Variants in ACBD6 observed in about 807,000 individuals in gnomAD.
The protein encoded by ACBD6 is acyl-CoA-binding domain-containing protein 6.
ACBD6 carries 28 observed loss-of-function variants against 37.2 expected under a neutral mutation model. The ratio of observed to expected loss-of-function variants is 0.75; its 90% CI spans 0.56 to 1.03. The LOEUF is 1.03. ACBD6 is among the 50% of genes least tolerant of loss of function. The probability of loss-of-function intolerance (pLI) is 0.00; values close to 1 mark genes in which losing one functional copy is unlikely to be tolerated. For synonymous variants in ACBD6, 113 were observed against 126.8 expected (o/e 0.89, Z 0.73); for missense variants, 340 against 337.4 (o/e 1.01, Z -0.06).
At chr1:180,291,246 C>G (rs547481469) in intron 7 of ACBD6, among the ~76,000 whole-genome samples, 2 of 152,270 alleles carry the variant, frequency 1.3e-5, no homozygotes, top group East Asian at 3.9e-4. Flanking sequence ...GGGTAAATAT[C>G]TAGAAGTAGA....
At position 180,325,453 on chromosome 1, in the gene ACBD6, T is replaced by C. The variant is rs75687171; in HGVS notation, c.664-10731A>G. Among the ~76,000 whole-genome samples the C allele has an allele frequency of 6.6e-3, 1,011 of 152,284 alleles. 17 individuals are homozygous for C. The highest frequency in any genetic ancestry group is 0.023 in the African/African-American group (965 of 41,562). On this transcript the variant is annotated intron_variant, in intron 6 of 7. Coordinates refer to ENST00000367595, the MANE Select transcript of ACBD6 (RefSeq NM_032360.4). ...TTTCAATCTCTTTTTTATATTTATA[T>C]GATAGAATTCTGAATTTGCTTTCTG...
chr1:180,371,926 G>A (rs72714824), intron 6 of ACBD6, among the ~76,000 whole-genome samples: 6,851 of 152,206 alleles, frequency 0.045, 227 homozygotes, highest in South Asian at 0.089. Flanking sequence ...TTACTACGAA[G>A]CTCTTCACAC....
intron 3 of ACBD6, among the ~76,000 whole-genome samples, chr1:180,486,733 A>C (rs1651278053): frequency 6.6e-6 from 1 of 152,218 alleles, no homozygotes; most frequent in Admixed American, 6.5e-5. Context: ...TTACAAAAGG[A>C]ATTAACTTCC....
chr1:180,492,286 G>A lies in ACBD6; in HGVS notation c.367C>T (p.Pro123Ser). The A allele has an allele frequency of 3.1e-6, 5 of 1,613,784 alleles. No homozygotes were observed. The highest frequency in any genetic ancestry group is 4.2e-6 in the Non-Finnish European group (5 of 1,179,800). ...EYIAVVKKLD[P>S]GWNPQIPEKK... ...AGTCTTACCTGAGGATTCCAACCTGGATCTAGTTTTTTAACTACTGCGATA... is the reference window on the plus strand; with the variant it reads ...AGTCTTACCTGAGGATTCCAACCTGAATCTAGTTTTTTAACTACTGCGATA... Residue 123 changes from proline (P) to serine (S), a missense_variant, in exon 3 of 8, where the codon CCA becomes TCA. By Grantham distance (74) the Pro-to-Ser change is moderately conservative. Coordinates refer to ENST00000367595, the MANE Select transcript of ACBD6 (RefSeq NM_032360.4).
intron 4 of ACBD6, among the ~76,000 whole-genome samples, chr1:180,416,656 T>A (rs1648106435): frequency 6.6e-6 from 1 of 152,200 alleles, no homozygotes; most frequent in Non-Finnish European, 1.5e-5. Context: ...GCAAATACAT[T>A]TATATTCCTG....
chr1:180,452,568 C>T (rs1034059670), intron 3 of ACBD6, among the ~76,000 whole-genome samples: 7 of 151,810 alleles, frequency 4.6e-5, no homozygotes, highest in African/African-American at 1.7e-4. Context: ...TAACTAAGAT[C>T]AGAGCAGAAC....
At chr1:180,421,033 G>A (rs939518737) in intron 4 of ACBD6, among the ~76,000 whole-genome samples, 3 of 151,236 alleles carry the variant, frequency 2.0e-5, no homozygotes, top group African/African-American at 7.3e-5. Flanking sequence ...TTTCAAGTTC[G>A]GGGTACATGT....
At position 180,358,376 on chromosome 1, in the gene ACBD6, G is replaced by A. The variant is rs1369189004; in HGVS notation, c.663+39140C>T. 3.3e-5 allele frequency among the ~76,000 whole-genome samples: 5 copies of A among 151,996 alleles called. No individual in the cohort carries two copies. The South Asian group carries it at 6.2e-4, about 19-fold the overall frequency. Reference sequence around the variant, plus strand: ...CAGGAGGCGGGGGTTGCGGTGAGCCGAGATTGTGCCATTGCACTTCAGCCT... The same window carrying A: ...CAGGAGGCGGGGGTTGCGGTGAGCCAAGATTGTGCCATTGCACTTCAGCCT... On this transcript the variant is annotated intron_variant, in intron 6 of 7. Coordinates refer to ENST00000367595, the MANE Select transcript of ACBD6 (RefSeq NM_032360.4).
intron 7 of ACBD6, among the ~76,000 whole-genome samples, chr1:180,302,906 T>C (rs1416503157): frequency 6.7e-6 from 1 of 149,378 alleles, no homozygotes; most frequent in Admixed American, 6.7e-5. Flanking sequence ...ACAAACTGTC[T>C]CTCAGACCAC....
intron 3 of ACBD6, among the ~76,000 whole-genome samples, chr1:180,459,146 T>C (rs1650029941): frequency 6.6e-6 from 1 of 152,200 alleles, no homozygotes; most frequent in Non-Finnish European, 1.5e-5. Flanking sequence ...GACAATCTGG[T>C]AGTCTAACAG....
chr1:180,307,462 A>G (rs1650426959), intron 7 of ACBD6, among the ~76,000 whole-genome samples: 1 of 152,208 alleles, frequency 6.6e-6, no homozygotes. Context: ...CAGGATGATT[A>G]TAGTCAATAA....
At chr1:180,449,470 T>C (rs1321563652) in intron 3 of ACBD6, among the ~76,000 whole-genome samples, 1 of 150,288 alleles carries the variant, frequency 6.7e-6, no homozygotes, top group South Asian at 2.1e-4. Flanking sequence ...AGTTCAGTGG[T>C]GTGATCTCAG....
intron 6 of ACBD6, among the ~76,000 whole-genome samples, chr1:180,343,997 A>G (rs1448567907): frequency 6.6e-6 from 1 of 152,204 alleles, no homozygotes; most frequent in African/African-American, 2.4e-5. Flanking sequence ...CAGAGTAGGG[A>G]AAAAGTGCTG....
chr1:180,313,916 C>T (rs189777237), intron 7 of ACBD6, among the ~76,000 whole-genome samples: 1 of 152,176 alleles, frequency 6.6e-6, no homozygotes, highest in Non-Finnish European at 1.5e-5. Context: ...ATTTACCAAG[C>T]AGCTCTCTAA....
At chr1:180,464,674 A>G (rs1232037834) in intron 3 of ACBD6, among the ~76,000 whole-genome samples, 1 of 152,104 alleles carries the variant, frequency 6.6e-6, no homozygotes, top group Non-Finnish European at 1.5e-5. Flanking sequence ...TCAAAGAACT[A>G]AAAAAATTAT....
At chr1:180,462,242 TAAAA>T (rs879940461) in intron 3 of ACBD6, among the ~76,000 whole-genome samples, 1 of 146,038 alleles carries the variant, frequency 6.8e-6, no homozygotes, top group Non-Finnish European at 1.5e-5. Flanking sequence ...GTCTCAAAAA[TAAAA>T]AAAAAAGTAA....
chr1:180,374,603 T>C (rs1288311784), intron 6 of ACBD6, among the ~76,000 whole-genome samples: 1 of 152,236 alleles, frequency 6.6e-6, no homozygotes, highest in South Asian at 2.1e-4. Context: ...TATTCTTAAG[T>C]GGAATTAAAG....
chr1:180,282,473 C>T (rs758272721), intron 8 of ACBD6, among the ~76,000 whole-genome samples: 5 of 152,072 alleles, frequency 3.3e-5, no homozygotes, highest in Non-Finnish European at 5.9e-5. Context: ...CAATGGAGAG[C>T]CCAGGCAAGA....
intron 6 of ACBD6, among the ~76,000 whole-genome samples, chr1:180,332,344 C>T (rs1337873125): frequency 6.6e-6 from 1 of 152,174 alleles, no homozygotes; most frequent in East Asian, 1.9e-4. Flanking sequence ...ACAGGGGTCC[C>T]CAATCCCTGT....
Sources: gnomAD v4.1 joint callset for allele counts (sites outside exome capture counted in the v4.1 genomes callset) on GRCh38, gnomAD v4.1.1 for gene constraint, MANE v1.5 for transcripts, NCBI Gene and HGNC (gene_info 2026-07-23, HGNC 2026-07-21) for gene names.